Variants in ACSM2B observed in about 807,000 individuals in gnomAD.
ACSM2B encodes the protein acyl-coenzyme A synthetase ACSM2B, mitochondrial.
ACSM2B carries 58 observed loss-of-function variants against 78.6 expected under a neutral mutation model. That is an observed-to-expected ratio of 0.74 (90% CI 0.60 to 0.92). The LOEUF (loss-of-function observed/expected upper bound fraction) is 0.92, where lower values mean the gene tolerates loss of function less well. Ranked by LOEUF, ACSM2B falls within the 40% of genes least tolerant of loss-of-function variation. The pLI is 0.00. For synonymous variants in ACSM2B, 257 were observed against 256.8 expected (o/e 1.00, Z -0.01); for missense variants, 688 against 711.2 (o/e 0.97, Z 0.37).
chr16:20,537,452 T>C (rs796721844), intron 13 of ACSM2B, 90 bp from the exon 14 acceptor site: 1 of 1,480,032 alleles, frequency 6.8e-7, no homozygotes. Context: ...GGGGAAGTTC[T>C]TCAGGCTGGA....
At position 20,547,013 on chromosome 16, in the gene ACSM2B, C is replaced by T. The variant is rs189970355; in HGVS notation, c.1099-539G>A. ...TGGCAGCACCAGTTCTGCTTGAACC[C>T]TGAAATGAACCTTCCCAACAGAATA... On this transcript the variant is annotated intron_variant, in intron 8 of 13. Coordinates refer to ENST00000329697, the MANE Select transcript of ACSM2B (RefSeq NM_001105069.2). 1,127 of 725,056 alleles carry T rather than the reference C, an allele frequency of 1.6e-3. 12 individuals are homozygous for T. The African/African-American group carries it at 0.019, about 12-fold the overall frequency. 44.9% of individuals were successfully genotyped at this position (725,056 alleles called of 1,614,324 possible).
At chr16:20,560,358 G>A (rs1410536903) in intron 2 of ACSM2B, among the ~76,000 whole-genome samples, 1 of 151,940 alleles carries the variant, frequency 6.6e-6, no homozygotes, top group Non-Finnish European at 1.5e-5. Flanking sequence ...CCTCATGAAT[G>A]GCTTAGCACC....
chr16:20,540,904 A>G, intron 12 of ACSM2B, 131 bp from the exon 13 acceptor site: 1 of 1,362,018 alleles, frequency 7.3e-7, no homozygotes, highest in East Asian at 2.5e-5. Flanking sequence ...GATCCAGGTC[A>G]AGGGAAAGGG....
At chr16:20,542,207 C>T (rs952324094) in intron 12 of ACSM2B, 2 of 150,374 alleles carry the variant, frequency 1.3e-5, no homozygotes, top group African/African-American at 2.5e-5. Flanking sequence ...TTGCTGCTAA[C>T]TGTATGCTTC....
chr16:20,543,664 T>C (rs959938809), intron 10 of ACSM2B, among the ~76,000 whole-genome samples: 6 of 152,180 alleles, frequency 3.9e-5, no homozygotes, highest in Non-Finnish European at 5.9e-5. Flanking sequence ...AATTTGAAAG[T>C]TCTAGAGACA....
At chr16:20,540,348 T>A (rs2014955040) in intron 13 of ACSM2B, among the ~76,000 whole-genome samples, 1 of 151,664 alleles carries the variant, frequency 6.6e-6, no homozygotes, top group African/African-American at 2.4e-5. Context: ...ATTCGAGCGA[T>A]TCTCATGCCT....
At chr16:20,567,886 A>T (rs2015977042) in intron 1 of ACSM2B, among the ~76,000 whole-genome samples, 1 of 143,166 alleles carries the variant, frequency 7.0e-6, no homozygotes, top group Non-Finnish European at 1.5e-5. Context: ...CTATACTATT[A>T]TATAGTGTGG....
chr16:20,562,578 AC>A (rs2015696540), intron 2 of ACSM2B, among the ~76,000 whole-genome samples: 1 of 152,310 alleles, frequency 6.6e-6, no homozygotes, highest in Admixed American at 6.5e-5. Context: ...AGCAAGGATG[AC>A]AACAGTCTCT....
chr16:20,560,390 A>C (rs889498168), intron 2 of ACSM2B, among the ~76,000 whole-genome samples: 3 of 151,828 alleles, frequency 2.0e-5, no homozygotes, highest in African/African-American at 7.3e-5. Context: ...GATAAATGAG[A>C]TCATAAGATC....
intron 1 of ACSM2B, among the ~76,000 whole-genome samples, chr16:20,567,351 ATT>A (rs2015935936): frequency 2.0e-5 from 1 of 50,966 alleles, no homozygotes; most frequent in Non-Finnish European, 2.7e-5. Context: ...ATATAAATAT[ATT>A]ATATATTATA....
intron 2 of ACSM2B, among the ~76,000 whole-genome samples, chr16:20,561,851 T>C (rs987678127): frequency 3.7e-4 from 53 of 142,320 alleles, no homozygotes; most frequent in Middle Eastern, 3.4e-3. Flanking sequence ...TCGCCTAATG[T>C]TATCCCTCCC....
At chr16:20,538,325 G>T (rs761829004) in intron 13 of ACSM2B, among the ~76,000 whole-genome samples, 11 of 152,156 alleles carry the variant, frequency 7.2e-5, no homozygotes, top group Non-Finnish European at 1.5e-4. Context: ...CCCACTTCCT[G>T]TTTCTGTCAA....
chr16:20,547,990 T>A (rs1369883137), intron 8 of ACSM2B, 72 bp downstream of exon 8: 23 of 1,596,214 alleles, frequency 1.4e-5, no homozygotes, highest in Admixed American at 1.2e-4. Flanking sequence ...GTGGCTAACA[T>A]GTTTTATTGT....
intron 9 of ACSM2B, 108 bp from the exon 10 acceptor site, chr16:20,545,366 G>A: frequency 1.5e-6 from 2 of 1,333,252 alleles, no homozygotes; most frequent in East Asian, 5.0e-5. Context: ...TGCTCTAGTG[G>A]AGACTGAAAA....
chr16:20,557,319 T>C (rs1567213049), intron 3 of ACSM2B, among the ~76,000 whole-genome samples: 1 of 152,178 alleles, frequency 6.6e-6, no homozygotes, highest in Non-Finnish European at 1.5e-5. Context: ...TGCTCTTCAC[T>C]CCAGTGAAAG....
intron 3 of ACSM2B, among the ~76,000 whole-genome samples, chr16:20,556,157 T>G (rs993937556): frequency 2.6e-5 from 4 of 152,104 alleles, no homozygotes; most frequent in Non-Finnish European, 5.9e-5. Flanking sequence ...TACTGAATTA[T>G]TAGCTGTGTT....
intron 1 of ACSM2B, among the ~76,000 whole-genome samples, chr16:20,568,063 G>T (rs995363705): frequency 7.1e-5 from 10 of 141,250 alleles, no homozygotes; most frequent in African/African-American, 2.1e-4. Context: ...CAAGCTCATG[G>T]TGTCTCTCTC....
rs2015194321 is a variant in ACSM2B at position 20,548,078 on chromosome 16, T to C, written c.1082A>G (p.Tyr361Cys). 1 of 1,613,894 alleles carries C rather than the reference T, an allele frequency of 6.2e-7. No homozygotes were observed. The highest frequency in any genetic ancestry group is 1.3e-5 in the African/African-American group (1 of 74,902). The change falls in exon 8 of 14, where the codon TAT becomes TGT. Residue 361 changes from tyrosine to cysteine, a missense_variant. Coordinates refer to ENST00000329697, the MANE Select transcript of ACSM2B (RefSeq NM_001105069.2). ...AQTGLDIREF[Y>C]GQTETGLTCM... The stretch of plus-strand genomic sequence containing the variant: ...AACAGGTACCGTTTCTGTCTGGCCA[T>C]AGAATTCTCGGATGTCCAGTCCTGT...
At chr16:20,541,673 TTTTCTTTC>T (rs774449433) in intron 12 of ACSM2B, 1 of 120,692 alleles carries the variant, frequency 8.3e-6, no homozygotes, top group African/African-American at 3.3e-5. Context: ...TTCTTTTTCT[TTTTCTTTC>T]TTTTTTTTTT....
Sources: gnomAD v4.1 joint callset for allele counts (sites outside exome capture counted in the v4.1 genomes callset) on GRCh38, gnomAD v4.1.1 for gene constraint, MANE v1.5 for transcripts, NCBI Gene and HGNC (gene_info 2026-07-23, HGNC 2026-07-21) for gene names.